Variants in ELF2 observed in about 807,000 individuals in gnomAD.
The protein encoded by ELF2 is ETS-related transcription factor Elf-2.
In ELF2, 11 loss-of-function variants were observed where a neutral mutation model predicts 54.8. That is an observed-to-expected ratio of 0.20 (90% CI 0.13 to 0.33). The LOEUF is 0.33. Among genes scored for constraint, ELF2 ranks in the 10% least tolerant of loss-of-function variants. ELF2 has a pLI of 1.00. For missense variants in ELF2, 513 were observed against 703.0 expected (o/e 0.73, Z 3.06); for synonymous variants, 203 against 245.1 (o/e 0.83, Z 1.61).
At chr4:139,127,965 A>G (rs1389760550) in intron 3 of ELF2, among the ~76,000 whole-genome samples, 1 of 122,974 alleles carries the variant, frequency 8.1e-6, no homozygotes, top group Non-Finnish European at 1.6e-5. Context: ...ACTCGGTCTC[A>G]AAAAAAAAAA....
intron 4 of ELF2, among the ~76,000 whole-genome samples, chr4:139,115,960 G>A (rs1338302995): frequency 6.6e-6 from 1 of 152,104 alleles, no homozygotes; most frequent in African/African-American, 2.4e-5. Flanking sequence ...TCTTGCCTCA[G>A]CCTCCCCAGT....
At chr4:139,110,673 C>T (rs557909823) in intron 4 of ELF2, among the ~76,000 whole-genome samples, 1 of 151,890 alleles carries the variant, frequency 6.6e-6, no homozygotes, top group Non-Finnish European at 1.5e-5. Context: ...ATACTCACAA[C>T]CTCTCATTCC....
At chr4:139,064,528 TC>T (rs1416332062) in intron 7 of ELF2, among the ~76,000 whole-genome samples, 1 of 152,154 alleles carries the variant, frequency 6.6e-6, no homozygotes, top group African/African-American at 2.4e-5. Context: ...TCTCTGAAAA[TC>T]CAGTAAATTC....
chr4:139,071,266 T>C (rs941118896), intron 6 of ELF2, among the ~76,000 whole-genome samples: 4 of 151,816 alleles, frequency 2.6e-5, no homozygotes, highest in African/African-American at 4.8e-5. Context: ...TAGTATGATA[T>C]AAATGATATA....
intron 1 of ELF2, among the ~76,000 whole-genome samples, chr4:139,161,038 G>A (rs1240867682): frequency 6.6e-6 from 1 of 152,178 alleles, no homozygotes; most frequent in South Asian, 2.1e-4. Flanking sequence ...CTCCATGTGT[G>A]TATACACACA....
intron 2 of ELF2, among the ~76,000 whole-genome samples, chr4:139,138,155 C>G (rs1301987392): frequency 6.6e-6 from 1 of 152,146 alleles, no homozygotes; most frequent in Non-Finnish European, 1.5e-5. Flanking sequence ...CGGTGGCTCA[C>G]GCCTGTATAT....
At chr4:139,144,089 G>A (rs1738978712) in intron 1 of ELF2, among the ~76,000 whole-genome samples, 1 of 152,020 alleles carries the variant, frequency 6.6e-6, no homozygotes. Context: ...GGAACTTAAT[G>A]GAAAAACGGA....
intron 4 of ELF2, among the ~76,000 whole-genome samples, chr4:139,081,074 T>C (rs1390597170): frequency 6.6e-6 from 1 of 152,036 alleles, no homozygotes; most frequent in African/African-American, 2.4e-5. Flanking sequence ...AATGAAGCCC[T>C]AAAGATGTTA....
intron 3 of ELF2, among the ~76,000 whole-genome samples, chr4:139,126,207 GA>G (rs1449977216): frequency 6.6e-6 from 1 of 152,060 alleles, no homozygotes; most frequent in Non-Finnish European, 1.5e-5. Flanking sequence ...TACAGGCTTG[GA>G]AGATAAAATT....
intron 6 of ELF2, among the ~76,000 whole-genome samples, chr4:139,068,881 C>T (rs1038750213): frequency 3.4e-5 from 5 of 145,780 alleles, no homozygotes; most frequent in African/African-American, 1.3e-4. Context: ...AATACATACA[C>T]TTTTTTTTTT....
chr4:139,082,659 A>C (rs1237333599), intron 4 of ELF2, among the ~76,000 whole-genome samples: 1 of 152,116 alleles, frequency 6.6e-6, no homozygotes, highest in African/African-American at 2.4e-5. Context: ...TGCCAAGCAA[A>C]CTACTAATTT....
At chr4:139,059,741 C>A in intron 9 of ELF2, 134 bp from the exon 10 acceptor site, 1 of 996,878 alleles carries the variant, frequency 1.0e-6, no homozygotes, top group Non-Finnish European at 1.5e-6. Flanking sequence ...TACTGGCAAT[C>A]CCTGATGTTT....
chr4:139,127,458 A>G lies in ELF2; in HGVS notation c.73-2129T>C, dbSNP rs192226536. Among the ~76,000 whole-genome samples the G allele has an allele frequency of 5.2e-3, 792 of 152,302 alleles. 11 individuals are homozygous for G. The highest frequency in any genetic ancestry group is 0.018 in the African/African-American group (766 of 41,560). ...TTCTCCTGGAAGCCTTCATCTATCT[A>G]TGATAATATTGCCCTTTCCTAACTC... On this transcript the variant is annotated intron_variant, in intron 3 of 9. Coordinates refer to ENST00000686138, the MANE Select transcript of ELF2 (RefSeq NM_001331036.3).
At chr4:139,136,220 G>A (rs1193380908) in intron 3 of ELF2, among the ~76,000 whole-genome samples, 2 of 152,148 alleles carry the variant, frequency 1.3e-5, no homozygotes, top group Non-Finnish European at 2.9e-5. Context: ...AGACATTGAC[G>A]ATGGGAAGAA....
chr4:139,059,487 T>G lies in ELF2; in HGVS notation c.1278A>C (p.Thr426=). 1.2e-6 allele frequency: 2 copies of G among 1,613,970 alleles called. No homozygotes were observed. The highest frequency in any genetic ancestry group is 2.2e-5 in the East Asian group (1 of 44,890). ...TGACTACCTTTGGAGAGGTCGCTGT[T>G]GTTGGACTAGTGCTGGTTATTAATG... ...GAPLITSTSP[T]TATSPKVVIQ... Residue 426 remains threonine (T), a synonymous_variant, in exon 10 of 10, where the codon ACA becomes ACC. Transcript: ENST00000686138.
At chr4:139,151,071 A>AG (rs1739917816) in intron 1 of ELF2, among the ~76,000 whole-genome samples, 3 of 149,190 alleles carry the variant, frequency 2.0e-5, no homozygotes, top group African/African-American at 7.5e-5. Context: ...AAAGAAAGAA[A>AG]GAAAGAAAGA....
chr4:139,120,285 A>C (rs1260430235), intron 4 of ELF2, among the ~76,000 whole-genome samples: 3 of 152,164 alleles, frequency 2.0e-5, no homozygotes, highest in Non-Finnish European at 4.4e-5. Context: ...AATATATAGT[A>C]ATATGGTTTA....
At chr4:139,177,841 G>T (rs1365364724), upstream of ELF2, among the ~76,000 whole-genome samples, 4 of 152,182 alleles carry the variant, frequency 2.6e-5, no homozygotes, top group African/African-American at 7.2e-5. Context: ...ACAGTTACAG[G>T]GGGGCGAGGT....
chr4:139,067,756 T>C lies in ELF2; in HGVS notation c.541A>G (p.Lys181Glu), dbSNP rs200100671. Residue 181 changes from lysine (K) to glutamate (E), a missense_variant, in exon 7 of 10, where the codon AAG becomes GAG. By Grantham distance (56) the Lys-to-Glu change is moderately conservative. Around this residue, in one of 3 missense-constraint regions of ELF2, gnomAD observed 203 missense variants for 245.9 expected, o/e 0.83. Transcript: ENST00000686138. ...TTGGAAATTGGTGATTGCTGGGTCT[T>C]TGGTTTACGGCCAACTGAAAAAATA... Reference protein sequence around the residue: ...MKKKKVGRKPKTQQSPISNGS... With the variant: ...MKKKKVGRKPETQQSPISNGS... 1.3e-6 allele frequency: 2 copies of C among 1,596,364 alleles called. No individual in the cohort carries two copies. Among genetic ancestry groups the C allele is most frequent in the Non-Finnish European group, 1.7e-6 (2 of 1,167,910 alleles).
Sources: gnomAD v4.1 joint callset for allele counts (sites outside exome capture counted in the v4.1 genomes callset) on GRCh38, gnomAD v4.1.1 for gene constraint, gnomAD v4.1.1 regional missense constraint, MANE v1.5 for transcripts, NCBI Gene and HGNC (gene_info 2026-07-23, HGNC 2026-07-21) for gene names.